The following OCA2 variants were observed in gnomAD, a reference collection of about 807,000 sequenced individuals.
OCA2 encodes the protein OCA2 melanosomal transmembrane protein, also known as P protein.
In OCA2, 77 loss-of-function variants were observed where a neutral mutation model predicts 100.2. The observed-to-expected ratio is 0.77, with a 90% CI of 0.64 to 0.93. The LOEUF (loss-of-function observed/expected upper bound fraction) is 0.93, where lower values mean the gene tolerates loss of function less well. Among genes scored for constraint, OCA2 ranks in the 40% least tolerant of loss-of-function variants. OCA2 has a pLI of 0.00. For synonymous variants in OCA2, 432 were observed against 439.2 expected (o/e 0.98, Z 0.21); for missense variants, 1,062 against 1,089.1 (o/e 0.98, Z 0.35).
At chr15:27,868,738 T>A (rs2036426187) in intron 21 of OCA2, among the ~76,000 whole-genome samples, 4 of 152,206 alleles carry the variant, frequency 2.6e-5, no homozygotes, top group Admixed American at 2.0e-4. Flanking sequence ...CACACATATA[T>A]ACACATAAGC....
At chr15:27,820,070 GAAAT>G (rs1373606529) in intron 23 of OCA2, among the ~76,000 whole-genome samples, 2 of 152,190 alleles carry the variant, frequency 1.3e-5, no homozygotes, top group African/African-American at 4.8e-5. Context: ...AGTTGAGTAA[GAAAT>G]AAAGCAATAT....
intron 2 of OCA2, among the ~76,000 whole-genome samples, chr15:28,079,866 C>G (rs1012342769): frequency 6.6e-6 from 1 of 151,930 alleles, no homozygotes; most frequent in African/African-American, 2.4e-5. Context: ...CCTGTCAGCA[C>G]CTCCCCACGC....
At chr15:27,991,050 C>A (rs761807275) in intron 9 of OCA2, among the ~76,000 whole-genome samples, 1 of 152,244 alleles carries the variant, frequency 6.6e-6, no homozygotes, top group Non-Finnish European at 1.5e-5. Flanking sequence ...CACAGTCCAA[C>A]ACTTCATCTA....
At chr15:27,877,795 T>C (rs2036852905) in intron 19 of OCA2, among the ~76,000 whole-genome samples, 1 of 152,008 alleles carries the variant, frequency 6.6e-6, no homozygotes, top group African/African-American at 2.4e-5. Flanking sequence ...CCTTATCTGC[T>C]TTCTCAATAT....
intron 9 of OCA2, among the ~76,000 whole-genome samples, chr15:28,007,946 G>A (rs1322797867): frequency 2.6e-5 from 4 of 152,148 alleles, no homozygotes; most frequent in East Asian, 1.9e-4. Flanking sequence ...CAAAGTCAGG[G>A]GTGGAAAGTG....
At chr15:27,983,792 C>T (rs1205479483) in intron 13 of OCA2, among the ~76,000 whole-genome samples, 2 of 152,140 alleles carry the variant, frequency 1.3e-5, no homozygotes, top group Admixed American at 6.5e-5. Context: ...AGGGCAGGCC[C>T]TCCACAGGCA....
chr15:28,026,883 T>A (rs527748336), intron 4 of OCA2, among the ~76,000 whole-genome samples: 4 of 152,344 alleles, frequency 2.6e-5, no homozygotes, highest in African/African-American at 7.2e-5. Flanking sequence ...TTTTCACTTT[T>A]CTAGGGCTTT....
chr15:28,083,548 T>G (rs955323708), intron 1 of OCA2, among the ~76,000 whole-genome samples: 1 of 152,208 alleles, frequency 6.6e-6, no homozygotes, highest in Admixed American at 6.5e-5. Flanking sequence ...CAAATGTACA[T>G]ACCAGCTATA....
chr15:28,003,521 G>C (rs2041992796), intron 9 of OCA2, among the ~76,000 whole-genome samples: 1 of 151,206 alleles, frequency 6.6e-6, no homozygotes, highest in Non-Finnish European at 1.5e-5. Context: ...GTGGGTGAGG[G>C]GAGTAAAATG....
intron 13 of OCA2, 33 bp downstream of exon 13, chr15:27,985,031 C>T: frequency 1.2e-6 from 2 of 1,613,002 alleles, no homozygotes; most frequent in Non-Finnish European, 1.7e-6. Flanking sequence ...CAGAACCTGG[C>T]CGCAACTCCC....
chr15:28,029,719 A>C (rs1377495644), intron 3 of OCA2, among the ~76,000 whole-genome samples: 1 of 150,614 alleles, frequency 6.6e-6, no homozygotes, highest in Non-Finnish European at 1.5e-5. Flanking sequence ...TTAAAAGAAT[A>C]CTTCTGAAAA....
chr15:27,756,756 A>G (rs960322161), intron 23 of OCA2, among the ~76,000 whole-genome samples: 4 of 152,122 alleles, frequency 2.6e-5, no homozygotes, highest in African/African-American at 9.7e-5. Flanking sequence ...GAGAATCTCA[A>G]TCCGGGTGCT....
At chr15:27,797,482 T>C (rs2151157607) in intron 23 of OCA2, among the ~76,000 whole-genome samples, 1 of 152,246 alleles carries the variant, frequency 6.6e-6, no homozygotes, top group Non-Finnish European at 1.5e-5. Flanking sequence ...CCCAGCTCTG[T>C]TCCAGTTCAT....
chr15:27,897,340 CA>C (rs1337491237), intron 19 of OCA2, among the ~76,000 whole-genome samples: 1 of 151,824 alleles, frequency 6.6e-6, no homozygotes, highest in Non-Finnish European at 1.5e-5. Context: ...CCAGTCCAGT[CA>C]TGGTTATATA....
At chr15:27,794,537 G>A (rs145099675) in intron 23 of OCA2, among the ~76,000 whole-genome samples, 2 of 152,146 alleles carry the variant, frequency 1.3e-5, no homozygotes, top group African/African-American at 2.4e-5. Context: ...GAAACCTAAC[G>A]GGCCATGACT....
the OCA2 span, among the ~76,000 whole-genome samples, chr15:27,738,773 C>T: frequency 6.6e-6 from 1 of 151,194 alleles, no homozygotes; most frequent in African/African-American, 2.4e-5. Flanking sequence ...AGCTAAAAAT[C>T]CGTATTTCCA....
chr15:28,003,530 T>C (rs1045347254), intron 9 of OCA2, among the ~76,000 whole-genome samples: 1 of 152,214 alleles, frequency 6.6e-6, no homozygotes, highest in Admixed American at 6.5e-5. Flanking sequence ...GGGAGTAAAA[T>C]GTGGAAAAAC....
At chr15:27,961,383 C>G (rs545134729) in intron 15 of OCA2, among the ~76,000 whole-genome samples, 1 of 152,312 alleles carries the variant, frequency 6.6e-6, no homozygotes, top group South Asian at 2.1e-4. Flanking sequence ...TTGTGGAAGA[C>G]AGTGTGGCGG....
intron 14 of OCA2, among the ~76,000 whole-genome samples, chr15:27,972,838 A>ATTTTTTTTTTTTT (rs2040838301): frequency 2.3e-5 from 1 of 43,364 alleles, no homozygotes; most frequent in Non-Finnish European, 1.0e-4. Context: ...ATTTTATTTT[A>ATTTTTTTTTTTTT]TTTTATTTTA....
Sources: allele counts gnomAD v4.1 joint callset (sites outside exome capture counted in the v4.1 genomes callset), GRCh38; gene constraint gnomAD v4.1.1; transcripts MANE v1.5; gene names NCBI Gene and HGNC (gene_info 2026-07-23, HGNC 2026-07-21).